Variants in SNRNP200 observed in about 807,000 individuals in gnomAD.
The protein encoded by SNRNP200 is small nuclear ribonucleoprotein U5 subunit 200.
Under a neutral mutation model 255.2 loss-of-function variants are expected in SNRNP200, and 66 were observed. That is an observed-to-expected ratio of 0.26 (90% confidence interval 0.21 to 0.32). The LOEUF is 0.32. Ranked by LOEUF, SNRNP200 falls within the 10% of genes least tolerant of loss-of-function variation. The pLI is 1.00. For synonymous variants in SNRNP200, 939 were observed against 1,027.8 expected (o/e 0.91, Z 1.65); for missense variants, 1,585 against 2,749.8 (o/e 0.58, Z 9.47).
At position 96,290,605 on chromosome 2, in the gene SNRNP200, T is replaced by C; in HGVS notation, c.2553+79A>G. 6.2e-7 allele frequency: 1 copy of C among 1,612,864 alleles called. No homozygotes were observed. Among genetic ancestry groups the C allele is most frequent in the Non-Finnish European group, 8.5e-7 (1 of 1,178,870 alleles). On this transcript the variant is annotated intron_variant, in intron 19 of 44. Transcript: ENST00000323853. The surrounding 1 kb of genome is among the most constrained non-coding windows in gnomAD (Gnocchi z 4.5). ...CTACATTACAGAACTAGACCTCTGATCTGCTAGCTTTCCAGCATCCCTGCA... is the reference window on the plus strand; with the variant it reads ...CTACATTACAGAACTAGACCTCTGACCTGCTAGCTTTCCAGCATCCCTGCA...
chr2:96,298,570 T>C, intron 8 of SNRNP200, 33 bp downstream of exon 8: 1 of 1,605,136 alleles, frequency 6.2e-7, no homozygotes. Context: ...ACATATGTAC[T>C]CACTCTGCAG....
At chr2:96,302,821 A>C (rs1304620325) in intron 3 of SNRNP200, among the ~76,000 whole-genome samples, 4 of 152,170 alleles carry the variant, frequency 2.6e-5, no homozygotes. Flanking sequence ...ACCAAAAGAC[A>C]ACAGATGGAA....
rs1684626818 is a variant in SNRNP200 at position 96,274,829 on chromosome 2, C to G, written c.*183G>C. On this transcript the variant is annotated 3_prime_UTR_variant, in exon 45 of 45. Coordinates refer to ENST00000323853, the MANE Select transcript of SNRNP200 (RefSeq NM_014014.5). ...TATGATTTATGCTTGACCCATGACA[C>G]CTGCTGTCACTGGATCCAGAGTGAG... is the stretch of plus-strand genomic sequence containing the variant. The G allele has an allele frequency of 1.9e-5, 13 of 692,280 alleles. No individual in the cohort carries two copies. In the Middle Eastern group the frequency reaches 3.2e-3, roughly 168 times the overall value. The allele number at this position is 692,280 out of a possible 1,614,324, so 42.9% of individuals were successfully genotyped here.
Position 96,286,194 on chromosome 2 carries a change from C to G in SNRNP200, c.4003+117G>C, listed in dbSNP as rs965594386. On this transcript the variant is annotated intron_variant, in intron 29 of 44. Coordinates refer to ENST00000323853, the MANE Select transcript of SNRNP200 (RefSeq NM_014014.5). This position sits in a 1 kb window ranked among gnomAD's most constrained non-coding sequence, Gnocchi z 4.8. Reference sequence around the variant, plus strand: ...GTCCTGGTGGGTCCCAGCGGTCACACTGAGGAGCTCCCAGACCTCCCAAGT... The same window carrying G: ...GTCCTGGTGGGTCCCAGCGGTCACAGTGAGGAGCTCCCAGACCTCCCAAGT... 4 of 1,030,534 alleles carry G rather than the reference C, an allele frequency of 3.9e-6. No homozygotes were observed. Among genetic ancestry groups the G allele is most frequent in the Admixed American group, 3.4e-5 (2 of 58,990 alleles). 63.8% of individuals were successfully genotyped at this position (1,030,534 alleles called of 1,614,324 possible). A position where few individuals can be genotyped will look rare whatever the true frequency, so the allele number is the denominator to read the frequency against.
Position 96,303,297 on chromosome 2 carries a change from G to A in SNRNP200, c.243C>T (p.Ile81=). 6.2e-7 allele frequency: 1 copy of A among 1,614,116 alleles called. No homozygotes were observed. Among genetic ancestry groups the A allele is most frequent in the Non-Finnish European group, 8.5e-7 (1 of 1,180,022 alleles). ...RRKRDEDRHD[I]NKMKGYTLLS... is the part of the protein sequence containing the mutation. ...GCAGAGTATAACCCTTCATCTTGTT[G>A]ATGTCATGCCGGTCCTCATCACGCT... The change falls in exon 3 of 45, where the codon ATC becomes ATT. Residue 81 remains isoleucine, a synonymous_variant. Coordinates refer to ENST00000323853, the MANE Select transcript of SNRNP200 (RefSeq NM_014014.5).
intron 21 of SNRNP200, 43 bp downstream of exon 21, chr2:96,289,756 A>G (rs200610364): frequency 5.1e-4 from 819 of 1,602,588 alleles, no homozygotes; most frequent in Non-Finnish European, 6.6e-4. Context: ...TGGGCCAACA[A>G]CTTTTGCTGA....
chr2:96,303,024 A>G, intron 3 of SNRNP200, 135 bp downstream of exon 3: 5 of 930,658 alleles, frequency 5.4e-6, no homozygotes, highest in Non-Finnish European at 8.7e-6. Flanking sequence ...GAACTACCTA[A>G]GTGCTGCCAG....
chr2:96,280,558 CTTT>C (rs111733356), intron 35 of SNRNP200, among the ~76,000 whole-genome samples: 1 of 150,906 alleles, frequency 6.6e-6, no homozygotes, highest in Admixed American at 6.6e-5. Context: ...CTTCTAACTT[CTTT>C]TTTTTTGAGA....
At chr2:96,300,394 A>T (rs1442374486) in intron 5 of SNRNP200, among the ~76,000 whole-genome samples, 3 of 152,224 alleles carry the variant, frequency 2.0e-5, no homozygotes, top group African/African-American at 4.8e-5. Context: ...TAGCAGATAC[A>T]TTCTCAATGA....
At chr2:96,294,867 C>T (rs2063906846) in intron 14 of SNRNP200, among the ~76,000 whole-genome samples, 2 of 152,086 alleles carry the variant, frequency 1.3e-5, no homozygotes, top group Non-Finnish European at 2.9e-5. Flanking sequence ...GGCCTTTTGG[C>T]TTAAGATCAA....
At position 96,285,176 on chromosome 2, in the gene SNRNP200, A is replaced by G. The variant is rs2063836823; in HGVS notation, c.4164+4T>C. The G allele has an allele frequency of 6.2e-7, 1 of 1,614,032 alleles. No individual in the cohort carries two copies. The highest frequency in any genetic ancestry group is 8.5e-7 in the Non-Finnish European group (1 of 1,180,002). On this transcript the variant is annotated splice_donor_region_variant and intron_variant, in intron 30 of 44. Transcript: ENST00000323853. ...AATTCACATGACACAGCGCCACGTC[A>G]TACCTGCTCTGCCAGGGCCTCCATG... is the stretch of plus-strand genomic sequence containing the variant.
At chr2:96,305,055 C>T (rs2063978677) in intron 1 of SNRNP200, among the ~76,000 whole-genome samples, 187 bp from the exon 2 acceptor site, 1 of 152,122 alleles carries the variant, frequency 6.6e-6, no homozygotes, top group African/African-American at 2.4e-5. Flanking sequence ...CTGAATAAGT[C>T]TTATGCGCTG....
chr2:96,300,762 CAA>C (rs571776850), intron 5 of SNRNP200, among the ~76,000 whole-genome samples: 1 of 136,174 alleles, frequency 7.3e-6, no homozygotes, highest in African/African-American at 2.7e-5. Context: ...GACTCCGTCT[CAA>C]AAAAAAAAAA....
chr2:96,305,011 A>G, intron 1 of SNRNP200, 143 bp from the exon 2 acceptor site: 2 of 985,930 alleles, frequency 2.0e-6, no homozygotes, highest in Non-Finnish European at 1.6e-6. Context: ...TTCCTTAAGA[A>G]TTGCATAGTA....
chr2:96,278,039 C>A lies in SNRNP200; in HGVS notation c.5611-89G>T. 6.3e-7 allele frequency: 1 copy of A among 1,584,620 alleles called. No individual in the cohort carries two copies. The highest frequency in any genetic ancestry group is 8.7e-7 in the Non-Finnish European group (1 of 1,154,380). ...CAAAGCACCACGTGGCCCAGGCTCA[C>A]ACAGCCCTTCAACACCCTGAGGCAT... On this transcript the variant is annotated intron_variant, in intron 39 of 44. Transcript: ENST00000323853. The surrounding 1 kb of genome is among the most constrained non-coding windows in gnomAD (Gnocchi z 6.9).
chr2:96,300,840 T>A (rs1224278430), intron 5 of SNRNP200, among the ~76,000 whole-genome samples, 158 bp downstream of exon 5: 2 of 152,244 alleles, frequency 1.3e-5, no homozygotes, highest in Non-Finnish European at 2.9e-5. Flanking sequence ...ACTGCACTTT[T>A]TTTTAAGCAA....
chr2:96,294,185 G>A (rs995726163), intron 14 of SNRNP200, among the ~76,000 whole-genome samples: 1 of 149,034 alleles, frequency 6.7e-6, no homozygotes, highest in Non-Finnish European at 1.5e-5. Flanking sequence ...TGTAATCCCA[G>A]CACTTTGGGA....
intron 6 of SNRNP200, 125 bp from the exon 7 acceptor site, chr2:96,299,092 G>GA (rs1206136770): frequency 2.4e-6 from 3 of 1,263,118 alleles, no homozygotes; most frequent in Admixed American, 3.7e-5. Context: ...CTTTCCAGAG[G>GA]AAAAAACTCT....
Position 96,297,378 on chromosome 2 carries a change from G to A in SNRNP200, c.1362C>T (p.Pro454=), listed in dbSNP as rs1351653087. 1 of 1,613,828 alleles carries A rather than the reference G, an allele frequency of 6.2e-7. No individual in the cohort carries two copies. Among genetic ancestry groups the A allele is most frequent in the Non-Finnish European group, 8.5e-7 (1 of 1,180,026 alleles). The stretch of plus-strand genomic sequence containing the variant: ...ATTCACTTACTTCTTCTGAGCCAAA[G>A]GGCTTGGGCTTCAGAGCAGGCACAT... The part of the protein sequence containing the change: ...EVHVPALKPK[P]FGSEEQLLPV... The change falls in exon 11 of 45, where the codon CCC becomes CCT. Residue 454 remains proline (P), a synonymous_variant. Transcript: ENST00000323853.
Sources: gnomAD v4.1 joint callset for allele counts (sites outside exome capture counted in the v4.1 genomes callset) on GRCh38, gnomAD v4.1.1 for gene constraint, Gnocchi (gnomAD v3.1) non-coding constraint, MANE v1.5 for transcripts, NCBI Gene and HGNC (gene_info 2026-07-23, HGNC 2026-07-21) for gene names.